LCORL: variants seen among roughly 807,000 people sequenced by gnomAD.
LCORL encodes ligand-dependent nuclear receptor corepressor-like protein.
Under a neutral mutation model 141.8 loss-of-function variants are expected in LCORL, and 41 were observed. The observed-to-expected ratio is 0.29, with a 90% confidence interval of 0.23 to 0.38. The LOEUF (loss-of-function observed/expected upper bound fraction) is 0.38. Ranked by LOEUF, LCORL falls within the 10% of genes least tolerant of loss-of-function variation. The pLI, the probability that LCORL is intolerant of heterozygous loss-of-function variation, is 1.00. For missense variants in LCORL, 1,759 were observed against 2,035.0 expected (o/e 0.86, Z 2.61); for synonymous variants, 618 against 694.1 (o/e 0.89, Z 1.72).
intron 7 of LCORL, among the ~76,000 whole-genome samples, chr4:17,851,654 G>C (rs1029129865): frequency 6.6e-6 from 1 of 152,140 alleles, no homozygotes; most frequent in African/African-American, 2.4e-5. Context: ...ATGATGCATT[G>C]AATATTCTTG....
At chr4:18,014,947 C>T (rs1577742692) in intron 1 of LCORL, among the ~76,000 whole-genome samples, 1 of 152,076 alleles carries the variant, frequency 6.6e-6, no homozygotes. Context: ...GTCCTTGGTG[C>T]TCTGTTATCT....
intron 4 of LCORL, among the ~76,000 whole-genome samples, chr4:17,921,575 T>C (rs1471540016): frequency 6.6e-6 from 1 of 152,200 alleles, no homozygotes; most frequent in Non-Finnish European, 1.5e-5. Flanking sequence ...AGCTCTTAGG[T>C]AATCAAGTGC....
At chr4:17,853,142 A>T (rs1723967308) in intron 7 of LCORL, among the ~76,000 whole-genome samples, 1 of 151,092 alleles carries the variant, frequency 6.6e-6, no homozygotes. Flanking sequence ...TACCCAAGCC[A>T]CATAACTAGT....
intron 5 of LCORL, among the ~76,000 whole-genome samples, chr4:17,891,296 G>A (rs1560297544): frequency 2.0e-5 from 3 of 152,022 alleles, no homozygotes; most frequent in Non-Finnish European, 4.4e-5. Context: ...AATTACCTGA[G>A]CCCAGAGTTT....
intron 4 of LCORL, among the ~76,000 whole-genome samples, chr4:17,957,360 A>C (rs1458433367): frequency 6.6e-6 from 1 of 152,052 alleles, no homozygotes; most frequent in African/African-American, 2.4e-5. Context: ...AGAAGTCTAC[A>C]AAAGCATCCT....
intron 4 of LCORL, among the ~76,000 whole-genome samples, chr4:17,947,258 A>G (rs746304328): frequency 6.6e-6 from 1 of 152,034 alleles, no homozygotes; most frequent in Non-Finnish European, 1.5e-5. Flanking sequence ...ATTGGAGAAC[A>G]TTATATAAAG....
At chr4:17,938,934 C>T (rs1737352932) in intron 4 of LCORL, among the ~76,000 whole-genome samples, 1 of 152,128 alleles carries the variant, frequency 6.6e-6, no homozygotes. Context: ...CATCTTCAAC[C>T]TCACAAGGTT....
At chr4:17,948,645 T>C (rs1739258777) in intron 4 of LCORL, among the ~76,000 whole-genome samples, 2 of 152,022 alleles carry the variant, frequency 1.3e-5, no homozygotes, top group Middle Eastern at 3.4e-3. Context: ...AAGCTTAAGG[T>C]TGTTCAGGGA....
chr4:17,931,403 T>G (rs1736015962), intron 4 of LCORL, among the ~76,000 whole-genome samples: 1 of 152,086 alleles, frequency 6.6e-6, no homozygotes, highest in Admixed American at 6.5e-5. Flanking sequence ...TAGCTTTTTT[T>G]GATGAAAATG....
At chr4:17,993,831 T>C (rs779023623) in intron 1 of LCORL, among the ~76,000 whole-genome samples, 3 of 152,182 alleles carry the variant, frequency 2.0e-5, no homozygotes, top group Non-Finnish European at 4.4e-5. Flanking sequence ...AAGACAAGAA[T>C]GTAAATTTAG....
intron 2 of LCORL, among the ~76,000 whole-genome samples, chr4:17,965,425 G>A (rs1261259456): frequency 6.6e-6 from 1 of 151,886 alleles, no homozygotes; most frequent in African/African-American, 2.4e-5. Context: ...CTCAAACAAC[G>A]AATAAGATAC....
At chr4:17,973,542 A>C (rs1336516698) in intron 1 of LCORL, among the ~76,000 whole-genome samples, 1 of 151,924 alleles carries the variant, frequency 6.6e-6, no homozygotes, top group Non-Finnish European at 1.5e-5. Context: ...GAAGTCTGTA[A>C]CATATTTAAT....
chr4:18,011,175 C>T (rs1723705190), intron 1 of LCORL, among the ~76,000 whole-genome samples: 1 of 152,112 alleles, frequency 6.6e-6, no homozygotes, highest in African/African-American at 2.4e-5. Flanking sequence ...TGGCCTGTAT[C>T]GGTAATAGAA....
Position 17,845,632 on chromosome 4 carries a change from A to G in LCORL, c.*256T>C, listed in dbSNP as rs555069131. On this transcript the variant is annotated 3_prime_UTR_variant, in exon 8 of 8. Coordinates refer to ENST00000635767, the Ensembl canonical transcript of LCORL. The stretch of plus-strand genomic sequence containing the variant: ...TAATATAAAGACAAATCACAGGACT[A>G]GAAATACTTCAAGATCAATTGATAA... 21 of 863,552 alleles carry G rather than the reference A, an allele frequency of 2.4e-5. No homozygotes were observed. The East Asian group carries it at 5.2e-4, about 21-fold the overall frequency. 53.5% of individuals were successfully genotyped at this position (863,552 alleles called of 1,614,324 possible). A position where few individuals can be genotyped will look rare whatever the true frequency, so the allele number is the denominator to read the frequency against.
rs543742973 is a variant in LCORL at position 17,907,350 on chromosome 4, T to C, written c.682+1744A>G. 2.0e-5 allele frequency among the ~76,000 whole-genome samples: 3 copies of C among 152,312 alleles called. No individual in the cohort carries two copies. The East Asian group carries it at 5.8e-4, about 29-fold the overall frequency. ...TTAATTCTCACATTGTTCCAATGGGTCCATTATTATTATGGCCAAATTACA... is the reference window on the plus strand; with the variant it reads ...TTAATTCTCACATTGTTCCAATGGGCCCATTATTATTATGGCCAAATTACA... On this transcript the variant is annotated intron_variant, in intron 5 of 7. Coordinates refer to ENST00000635767, the Ensembl canonical transcript of LCORL.
chr4:17,889,991 T>A (rs1408043680), intron 5 of LCORL, among the ~76,000 whole-genome samples: 5 of 151,980 alleles, frequency 3.3e-5, no homozygotes, highest in Non-Finnish European at 7.4e-5. Context: ...ACAAACTAAG[T>A]AAGGTGGAGG....
At chr4:17,889,125 TTTC>T (rs1419638384) in intron 5 of LCORL, among the ~76,000 whole-genome samples, 1 of 151,958 alleles carries the variant, frequency 6.6e-6, no homozygotes, top group Admixed American at 6.6e-5. Context: ...GCAATAAAGG[TTTC>T]TTTTCTTTTT....
chr4:17,991,399 C>G (rs933436080), intron 1 of LCORL, among the ~76,000 whole-genome samples: 3 of 152,188 alleles, frequency 2.0e-5, no homozygotes, highest in Non-Finnish European at 4.4e-5. Flanking sequence ...ATTTGTGTCA[C>G]ACAATTCAAA....
intron 7 of LCORL, among the ~76,000 whole-genome samples, chr4:17,870,604 G>A (rs1726232398): frequency 6.6e-6 from 1 of 151,992 alleles, no homozygotes; most frequent in African/African-American, 2.4e-5. Flanking sequence ...ACAACCATAA[G>A]AGCAACAACC....
Sources: allele counts gnomAD v4.1 joint callset (sites outside exome capture counted in the v4.1 genomes callset), GRCh38; gene constraint gnomAD v4.1.1; transcripts MANE v1.5; gene names NCBI Gene and HGNC (gene_info 2026-07-23, HGNC 2026-07-21).